The following ABI3BP variants were observed in gnomAD, a reference collection of about 807,000 sequenced individuals.
The protein encoded by ABI3BP is ABI family member 3 binding protein, also known as target of Nesh-SH3.
In ABI3BP, 216 loss-of-function variants were observed where a neutral mutation model predicts 268.6. That is an observed-to-expected ratio of 0.80 (90% confidence interval 0.72 to 0.90). ABI3BP has a LOEUF of 0.90. Among genes scored for constraint, ABI3BP ranks in the 40% least tolerant of loss-of-function variants. The pLI is 0.00. For synonymous variants in ABI3BP, 730 were observed against 730.0 expected (o/e 1.00, Z 0.00); for missense variants, 2,090 against 2,182.4 (o/e 0.96, Z 0.84).
chr3:100,963,208 CG>C (rs1172807505), intron 1 of ABI3BP, among the ~76,000 whole-genome samples: 1 of 152,122 alleles, frequency 6.6e-6, no homozygotes. Context: ...GTTAAGCAAT[CG>C]GCCCAAGATC....
intron 14 of ABI3BP, among the ~76,000 whole-genome samples, chr3:100,855,210 G>A (rs1251206870): frequency 6.6e-6 from 1 of 152,178 alleles, no homozygotes; most frequent in Admixed American, 6.5e-5. Context: ...ACAGGCACAA[G>A]CCACTGTGTC....
chr3:100,751,719 T>C (rs1166383638), intron 66 of ABI3BP, 45 bp from the exon 67 acceptor site: 2 of 1,521,952 alleles, frequency 1.3e-6, no homozygotes, highest in African/African-American at 1.4e-5. Context: ...TTTCTTACTT[T>C]GAAATGTGAC....
In ABI3BP at chr3:100,856,941, G is replaced by C. The variant is rs149362047; in HGVS notation, c.1286-5001C>G. 2.6e-3 allele frequency among the ~76,000 whole-genome samples: 398 copies of C among 152,278 alleles called. 1 individual carries two copies. Among genetic ancestry groups the C allele is most frequent in the Non-Finnish European group, 4.9e-3 (336 of 68,020 alleles). On this transcript the variant is annotated intron_variant, in intron 14 of 67. Transcript: ENST00000471714. ...GATCCAAGAAGGACCTCAGAGCCCA[G>C]TTTATAGAGTGATTCTTGCTGCCAC...
At chr3:100,916,527 G>T (rs1405385912) in intron 2 of ABI3BP, among the ~76,000 whole-genome samples, 2 of 152,158 alleles carry the variant, frequency 1.3e-5, no homozygotes, top group African/African-American at 4.8e-5. Context: ...ACCTCTTGGG[G>T]ACTCACTGTC....
chr3:100,831,017 C>A (rs923509231), intron 31 of ABI3BP, among the ~76,000 whole-genome samples: 1 of 152,152 alleles, frequency 6.6e-6, no homozygotes, highest in Non-Finnish European at 1.5e-5. Context: ...TCATTATAAG[C>A]AGTAATCAAT....
At chr3:100,910,718 C>G (rs1422645291) in intron 2 of ABI3BP, among the ~76,000 whole-genome samples, 1 of 151,996 alleles carries the variant, frequency 6.6e-6, no homozygotes, top group Non-Finnish European at 1.5e-5. Flanking sequence ...AAGGCTTTCC[C>G]TCAACAACTT....
intron 11 of ABI3BP, 36 bp downstream of exon 11, chr3:100,864,797 T>C: frequency 6.7e-7 from 1 of 1,484,934 alleles, no homozygotes. Flanking sequence ...TTGTTACTTT[T>C]GTTTTTTTAG....
chr3:100,873,907 C>G (rs1452887197), intron 9 of ABI3BP, among the ~76,000 whole-genome samples: 2 of 152,148 alleles, frequency 1.3e-5, no homozygotes, highest in African/African-American at 2.4e-5. Context: ...TTTCTTTATC[C>G]ATACAATGTG....
At position 100,816,137 on chromosome 3, in the gene ABI3BP, A is replaced by G. The variant is rs182869049; in HGVS notation, c.3230-166T>C. 2,496 of 554,726 alleles carry G rather than the reference A, an allele frequency of 4.5e-3. 12 individuals are homozygous for G. The highest frequency in any genetic ancestry group is 5.5e-3 in the Non-Finnish European group (1,744 of 318,966). The allele number at this position is 554,726 out of a possible 1,614,324, so 34.4% of individuals were successfully genotyped here. On this transcript the variant is annotated intron_variant, in intron 43 of 67. Transcript: ENST00000471714. Reference sequence around the variant, plus strand: ...TTTGGAAGATTTGGCCACACTAGCTAGAACAATTCATCAAAGAAGGTAGTT... The same window carrying G: ...TTTGGAAGATTTGGCCACACTAGCTGGAACAATTCATCAAAGAAGGTAGTT...
Position 100,888,596 on chromosome 3 carries a change from TA to T in ABI3BP, c.462-2274del, listed in dbSNP as rs1473463515. Among the ~76,000 whole-genome samples the T allele has an allele frequency of 2.0e-5, 3 of 152,118 alleles. No homozygotes were observed. In the East Asian group the frequency reaches 5.8e-4, roughly 29 times the overall value. Reference sequence around the variant, plus strand: ...AATGAGACAGAAATGTTTTGTTCTTTAAAAAGAACCCTAAACTTCACCATGG... The same window carrying T: ...AATGAGACAGAAATGTTTTGTTCTTTAAAAGAACCCTAAACTTCACCATGG... On this transcript the variant is annotated intron_variant, in intron 4 of 67. Coordinates refer to ENST00000471714, the MANE Select transcript of ABI3BP (RefSeq NM_001375547.2).
intron 18 of ABI3BP, 51 bp downstream of exon 18, chr3:100,848,750 G>T: frequency 6.4e-7 from 1 of 1,553,002 alleles, no homozygotes; most frequent in Non-Finnish European, 8.9e-7. Context: ...TAAGAAAATG[G>T]ACATTGTCTA....
At chr3:100,874,112 AC>A (rs1443883778) in intron 9 of ABI3BP, among the ~76,000 whole-genome samples, 1 of 151,832 alleles carries the variant, frequency 6.6e-6, no homozygotes, top group Non-Finnish European at 1.5e-5. Context: ...TGTCACTATC[AC>A]CTGGAAACTT....
intron 50 of ABI3BP, 71 bp downstream of exon 50, chr3:100,808,089 TA>T: frequency 7.6e-7 from 1 of 1,316,714 alleles, no homozygotes; most frequent in Non-Finnish European, 1.1e-6. Context: ...TCATAACTAT[TA>T]ATGAACAATT....
chr3:100,756,776 G>GTTTTTTTTTTTTTTT, intron 63 of ABI3BP, among the ~76,000 whole-genome samples: 1 of 130,654 alleles, frequency 7.7e-6, no homozygotes, highest in Non-Finnish European at 1.6e-5. Context: ...TACTTTTTGG[G>GTTTTTTTTTTTTTTT]TTTTTTTTTT....
intron 1 of ABI3BP, among the ~76,000 whole-genome samples, chr3:100,976,367 G>C (rs2086211608): frequency 6.6e-6 from 1 of 152,102 alleles, no homozygotes; most frequent in Admixed American, 6.5e-5. Flanking sequence ...CAGAATGGCA[G>C]AGAAGGCGCC....
At chr3:100,832,663 T>A (rs886860978) in intron 30 of ABI3BP, among the ~76,000 whole-genome samples, 1 of 152,150 alleles carries the variant, frequency 6.6e-6, no homozygotes, top group African/African-American at 2.4e-5. Context: ...TAACCAACCC[T>A]ACACTATTCA....
Position 100,787,731 on chromosome 3 carries a change from T to A in ABI3BP, c.4159A>T (p.Thr1387Ser). Residue 1387 changes from threonine to serine, a missense_variant, in exon 57 of 68, where the codon ACA (threonine) becomes TCA (serine). Thr to Ser is a moderately conservative substitution (Grantham distance 58). Coordinates refer to ENST00000471714, the MANE Select transcript of ABI3BP (RefSeq NM_001375547.2). ...SGMPSGNGVG[T>S]GVKQAPRPSG... is the part of the protein sequence containing the mutation. ...GAAATACATTTGTGATTATTACCTG[T>A]TCCCACTCCATTCCCACTGGGCATC... is the stretch of plus-strand genomic sequence containing the variant. 6.5e-7 allele frequency: 1 copy of A among 1,530,178 alleles called. No individual in the cohort carries two copies. Among genetic ancestry groups the A allele is most frequent in the Non-Finnish European group, 8.7e-7 (1 of 1,143,610 alleles). The allele number at this position is 1,530,178 out of a possible 1,614,324, so 94.8% of individuals were successfully genotyped here. A position where few individuals can be genotyped will look rare whatever the true frequency, so the allele number is the denominator to read the frequency against.
intron 37 of ABI3BP, 150 bp from the exon 38 acceptor site, chr3:100,822,822 T>G: frequency 1.7e-6 from 1 of 594,546 alleles, no homozygotes; most frequent in Non-Finnish European, 2.9e-6. Flanking sequence ...TTATAGATCT[T>G]TTATCATAGA....
chr3:100,901,375 A>T (rs1416100950), intron 3 of ABI3BP, among the ~76,000 whole-genome samples: 3 of 152,194 alleles, frequency 2.0e-5, no homozygotes, highest in Admixed American at 6.5e-5. Flanking sequence ...AATATAGCAA[A>T]CAAACAAAAA....
Sources: allele counts gnomAD v4.1 joint callset (sites outside exome capture counted in the v4.1 genomes callset), GRCh38; gene constraint gnomAD v4.1.1; transcripts MANE v1.5; gene names NCBI Gene and HGNC (gene_info 2026-07-23, HGNC 2026-07-21).